The following GPC5 variants were observed in gnomAD, a reference collection of about 807,000 sequenced individuals.
GPC5 encodes glypican-5.
GPC5 carries 47 observed loss-of-function variants against 53.9 expected under a neutral mutation model. That is an observed-to-expected ratio of 0.87 (90% CI 0.69 to 1.11). The LOEUF is 1.11. GPC5 is among the 50% of genes most tolerant of loss of function. GPC5 has a pLI of 0.00. For synonymous variants in GPC5, 286 were observed against 263.3 expected (o/e 1.09, Z -0.84); for missense variants, 748 against 713.1 (o/e 1.05, Z -0.56).
intron 7 of GPC5, among the ~76,000 whole-genome samples, chr13:92,413,363 A>C (rs528860003): frequency 6.6e-6 from 1 of 152,358 alleles, no homozygotes; most frequent in South Asian, 2.1e-4. Context: ...CTAAATCCAG[A>C]ATGAAGTGAA....
intron 7 of GPC5, among the ~76,000 whole-genome samples, chr13:92,178,717 C>T (rs2042125774): frequency 1.3e-5 from 2 of 152,092 alleles, no homozygotes; most frequent in Admixed American, 1.3e-4. Context: ...TGGCTCACAC[C>T]TGTAATCCCA....
intron 7 of GPC5, among the ~76,000 whole-genome samples, chr13:92,725,712 T>C (rs772728067): frequency 5.3e-5 from 8 of 151,636 alleles, no homozygotes; most frequent in Non-Finnish European, 7.4e-5. Flanking sequence ...AAATTGGGCA[T>C]TACTTTGAAC....
At chr13:91,753,207 C>T (rs970946392) in intron 4 of GPC5, among the ~76,000 whole-genome samples, 6 of 152,096 alleles carry the variant, frequency 3.9e-5, no homozygotes, top group Non-Finnish European at 7.4e-5. Flanking sequence ...CTGATTAATC[C>T]GTATATTACA....
At chr13:92,213,909 G>C (rs371127851) in intron 7 of GPC5, among the ~76,000 whole-genome samples, 19 of 152,250 alleles carry the variant, frequency 1.2e-4, no homozygotes, top group East Asian at 1.2e-3. Flanking sequence ...ACCCACTATT[G>C]TTATTGAGAC....
chr13:92,704,693 G>A lies in GPC5; in HGVS notation c.1562-161589G>A, dbSNP rs554653179. On this transcript the variant is annotated intron_variant, in intron 7 of 7. Coordinates refer to ENST00000377067, the MANE Select transcript of GPC5 (RefSeq NM_004466.6). ...TCCACTTATGGAAGAATTTACCTAT[G>A]CATTTTTTAATACTAAGAAGTCAAT... Among the ~76,000 whole-genome samples the A allele has an allele frequency of 2.0e-4, 31 of 151,834 alleles. 1 individual carries two copies. In the South Asian group the frequency reaches 6.2e-3, roughly 30 times the overall value.
intron 7 of GPC5, among the ~76,000 whole-genome samples, chr13:92,337,555 T>C (rs781064492): frequency 6.6e-6 from 1 of 152,148 alleles, no homozygotes; most frequent in Non-Finnish European, 1.5e-5. Flanking sequence ...TTTCAAGACA[T>C]ATTATCAAGC....
At chr13:92,353,666 A>G (rs2043499388) in intron 7 of GPC5, among the ~76,000 whole-genome samples, 1 of 152,160 alleles carries the variant, frequency 6.6e-6, no homozygotes, top group African/African-American at 2.4e-5. Context: ...TAAACAAATA[A>G]CCAGAATATA....
chr13:92,460,489 G>C (rs1490898877), intron 7 of GPC5, among the ~76,000 whole-genome samples: 1 of 151,974 alleles, frequency 6.6e-6, no homozygotes, highest in Non-Finnish European at 1.5e-5. Flanking sequence ...TTTGCCATGG[G>C]TCTAATAAAT....
intron 6 of GPC5, among the ~76,000 whole-genome samples, chr13:91,938,124 A>G (rs1486901244): frequency 2.0e-5 from 3 of 152,076 alleles, no homozygotes; most frequent in African/African-American, 4.8e-5. Context: ...ATTGCTAAAA[A>G]GGAATATCTG....
At chr13:92,006,655 C>T (rs2040609292) in intron 6 of GPC5, among the ~76,000 whole-genome samples, 1 of 152,078 alleles carries the variant, frequency 6.6e-6, no homozygotes, top group South Asian at 2.1e-4. Context: ...AAGAGAACTT[C>T]CTTGACCTAC....
intron 4 of GPC5, among the ~76,000 whole-genome samples, chr13:91,731,736 G>A (rs2036703219): frequency 6.6e-6 from 1 of 152,020 alleles, no homozygotes; most frequent in Non-Finnish European, 1.5e-5. Context: ...CTATATACAT[G>A]TGTTCTCATT....
At chr13:91,529,215 A>G (rs1886225647) in intron 2 of GPC5, among the ~76,000 whole-genome samples, 1 of 152,188 alleles carries the variant, frequency 6.6e-6, no homozygotes, top group African/African-American at 2.4e-5. Flanking sequence ...TATTTTATTC[A>G]TGCATATCCT....
intron 7 of GPC5, among the ~76,000 whole-genome samples, chr13:92,557,947 G>A (rs1882555936): frequency 1.3e-5 from 2 of 152,046 alleles, no homozygotes; most frequent in South Asian, 2.1e-4. Flanking sequence ...AATCAAGACT[G>A]TATTTGAGAA....
At chr13:91,708,437 T>G (rs1473419218) in intron 3 of GPC5, among the ~76,000 whole-genome samples, 5 of 152,144 alleles carry the variant, frequency 3.3e-5, no homozygotes, top group Non-Finnish European at 5.9e-5. Context: ...GACCGCATAT[T>G]GTAAGATTCT....
rs143164172 is a variant in GPC5 at position 92,570,140 on chromosome 13, A to G, written c.1562-296142A>G. Among the ~76,000 whole-genome samples the G allele has an allele frequency of 3.9e-3, 601 of 152,312 alleles. 7 individuals are homozygous for G. The highest frequency in any genetic ancestry group is 0.014 in the African/African-American group (584 of 41,568). On this transcript the variant is annotated intron_variant, in intron 7 of 7. Transcript: ENST00000377067. ...TGCTTGCTGTAGGTAATATTTGACA[A>G]TCATAAAAGAAGAGCAAAATCAGAG...
intron 7 of GPC5, among the ~76,000 whole-genome samples, chr13:92,635,437 G>GGAA (rs1237536117): frequency 6.6e-6 from 1 of 152,152 alleles, no homozygotes; most frequent in Non-Finnish European, 1.5e-5. Flanking sequence ...TCTTATGGCA[G>GGAA]GAAGTGGAAG....
intron 7 of GPC5, among the ~76,000 whole-genome samples, chr13:92,729,175 C>T (rs1054474743): frequency 6.6e-6 from 1 of 151,328 alleles, no homozygotes; most frequent in Non-Finnish European, 1.5e-5. Context: ...TCTACCATGT[C>T]TCTAATCAAA....
intron 7 of GPC5, among the ~76,000 whole-genome samples, chr13:92,265,897 T>G (rs1297018306): frequency 1.3e-5 from 2 of 152,192 alleles, no homozygotes; most frequent in Non-Finnish European, 2.9e-5. Flanking sequence ...GGCCAGCACC[T>G]GGCAAGGGGC....
chr13:92,158,971 C>T (rs1486356442), intron 7 of GPC5, among the ~76,000 whole-genome samples: 1 of 152,140 alleles, frequency 6.6e-6, no homozygotes, highest in Non-Finnish European at 1.5e-5. Flanking sequence ...CTTTCATTTT[C>T]TCCCATATCT....
Sources: allele counts gnomAD v4.1 joint callset (sites outside exome capture counted in the v4.1 genomes callset), GRCh38; gene constraint gnomAD v4.1.1; transcripts MANE v1.5; gene names NCBI Gene and HGNC (gene_info 2026-07-23, HGNC 2026-07-21).